The following HTR4 variants were observed in gnomAD, a reference collection of about 807,000 sequenced individuals.
HTR4 encodes 5-hydroxytryptamine receptor 4, also known as 5-hydroxytryptamine (serotonin) receptor 4, G protein-coupled.
HTR4 carries 16 observed loss-of-function variants against 36.8 expected under a neutral mutation model. That is an observed-to-expected ratio of 0.43 (90% confidence interval 0.29 to 0.66). The LOEUF (loss-of-function observed/expected upper bound fraction) is 0.66, where lower values mean the gene tolerates loss of function less well. Ranked by LOEUF, HTR4 falls within the 30% of genes least tolerant of loss-of-function variation. The pLI is 0.13. For missense variants in HTR4, 438 were observed against 490.9 expected, an observed-to-expected ratio of 0.89 and a Z score of 1.02; for synonymous variants, 189 against 185.1, an observed-to-expected ratio of 1.02 and a Z score of -0.17.
intron 6 of HTR4, chr5:148,484,187 G>C: frequency 6.8e-7 from 1 of 1,473,698 alleles, no homozygotes; most frequent in Non-Finnish European, 9.2e-7. Context: ...TTTCAGTTTA[G>C]TGTCATCTGC....
At position 148,606,725 on chromosome 5, in the gene HTR4, C is replaced by T. The variant is rs148491678; in HGVS notation, c.26+30264G>A. ...TTATTTTAAATTTTATTTAGATTTA[C>T]GTTTGTGATGCTGTGGCTTAAATCC... On this transcript the variant is annotated intron_variant, in intron 2 of 6. Coordinates refer to ENST00000377888, the MANE Select transcript of HTR4 (RefSeq NM_000870.7). Among the ~76,000 whole-genome samples the T allele has an allele frequency of 4.5e-3, 682 of 152,238 alleles. 6 individuals are homozygous for T. Among genetic ancestry groups the T allele is most frequent in the African/African-American group, 0.016 (661 of 41,538 alleles).
At chr5:148,504,075 G>C (rs1757066988) in intron 6 of HTR4, among the ~76,000 whole-genome samples, 1 of 152,120 alleles carries the variant, frequency 6.6e-6, no homozygotes. Context: ...GTCAACATTA[G>C]ACAGATCAAT....
chr5:148,559,492 A>G (rs1760095671), intron 2 of HTR4, among the ~76,000 whole-genome samples: 1 of 152,214 alleles, frequency 6.6e-6, no homozygotes, highest in Non-Finnish European at 1.5e-5. Context: ...GTTTTTCCTT[A>G]TAACAAATAA....
intron 4 of HTR4, among the ~76,000 whole-genome samples, chr5:148,547,748 A>C (rs551099975): frequency 7.0e-4 from 107 of 151,996 alleles, no homozygotes; most frequent in African/African-American, 2.4e-3. Flanking sequence ...ATAAGAATAA[A>C]TAAAACTAAA....
At chr5:148,463,277 A>C (rs1286980400) in intron 5 of HTR4, among the ~76,000 whole-genome samples, 1 of 147,194 alleles carries the variant, frequency 6.8e-6, no homozygotes, top group African/African-American at 2.5e-5. Context: ...GGTTCAAGCA[A>C]TTCTCTTGCC....
intron 5 of HTR4, among the ~76,000 whole-genome samples, chr5:148,522,338 G>C (rs1289944107): frequency 6.6e-6 from 1 of 152,164 alleles, no homozygotes; most frequent in African/African-American, 2.4e-5. Flanking sequence ...TGGGGCAAAT[G>C]ACATGCCTCA....
chr5:148,536,368 C>G (rs896636595), intron 4 of HTR4, among the ~76,000 whole-genome samples: 4 of 151,916 alleles, frequency 2.6e-5, no homozygotes, highest in Admixed American at 2.6e-4. Flanking sequence ...ATGACAGAAT[C>G]AAATCCACAC....
At chr5:148,644,556 G>T (rs1250655812) in intron 1 of HTR4, 1 of 150,570 alleles carries the variant, frequency 6.6e-6, no homozygotes, top group Non-Finnish European at 1.5e-5. Context: ...ACACTGATAG[G>T]GGAATAATAA....
At chr5:148,631,305 AC>A (rs1325457457) in intron 2 of HTR4, among the ~76,000 whole-genome samples, 2 of 152,112 alleles carry the variant, frequency 1.3e-5, no homozygotes, top group South Asian at 2.1e-4. Flanking sequence ...CATAAAAATA[AC>A]CCCTTTTAAA....
At chr5:148,650,413 G>A (rs1229691867) in intron 1 of HTR4, among the ~76,000 whole-genome samples, 1 of 152,066 alleles carries the variant, frequency 6.6e-6, no homozygotes, top group African/African-American at 2.4e-5. Flanking sequence ...TATACTTAAG[G>A]CTAGCCCTAT....
intron 1 of HTR4, chr5:148,645,788 A>G (rs1233328769): frequency 6.6e-6 from 1 of 152,208 alleles, no homozygotes. Context: ...TGCAGGGTAG[A>G]TATTTCCTAC....
intron 2 of HTR4, among the ~76,000 whole-genome samples, chr5:148,606,424 T>C (rs1752166100): frequency 6.6e-6 from 1 of 152,098 alleles, no homozygotes; most frequent in Non-Finnish European, 1.5e-5. Context: ...CAGTTGAAGG[T>C]GTTAATGCAA....
chr5:148,462,281 A>G (rs920361265), intron 5 of HTR4, among the ~76,000 whole-genome samples: 3 of 152,022 alleles, frequency 2.0e-5, no homozygotes, highest in African/African-American at 7.2e-5. Flanking sequence ...CTAAACAGAA[A>G]TGAAGAGAGA....
In HTR4 at chr5:148,490,464, A is replaced by G. The variant is rs548941743; in HGVS notation, c.1077-7171T>C. 1.4e-5 allele frequency: 8 copies of G among 563,340 alleles called. No individual in the cohort carries two copies. In the South Asian group the frequency reaches 5.3e-4, roughly 37 times the overall value. 34.9% of individuals were successfully genotyped at this position (563,340 alleles called of 1,614,324 possible). A position where few individuals can be genotyped will look rare whatever the true frequency, so the allele number is the denominator to read the frequency against. On this transcript the variant is annotated intron_variant, in intron 6 of 6. Transcript: ENST00000377888. ...TTCCAGAAATTCTCCAGCTTCAACC[A>G]AACAAAATGTTACACTGGCTGAAAT... is the stretch of plus-strand genomic sequence containing the variant.
chr5:148,600,347 A>AT (rs1761940973), intron 2 of HTR4, among the ~76,000 whole-genome samples: 1 of 126,734 alleles, frequency 7.9e-6, no homozygotes, highest in Non-Finnish European at 1.7e-5. Flanking sequence ...TTATATATAT[A>AT]TATTTTTTTT....
chr5:148,570,566 A>T (rs1760632972), intron 2 of HTR4, among the ~76,000 whole-genome samples: 1 of 152,138 alleles, frequency 6.6e-6, no homozygotes, highest in Admixed American at 6.6e-5. Flanking sequence ...CGTGAGAGCT[A>T]CATAACTTCG....
At chr5:148,493,445 T>C (rs1390504780) in intron 6 of HTR4, among the ~76,000 whole-genome samples, 1 of 152,226 alleles carries the variant, frequency 6.6e-6, no homozygotes, top group East Asian at 1.9e-4. Flanking sequence ...CTGTATAATT[T>C]TGATAATTCC....
At chr5:148,629,626 A>T (rs1490794468) in intron 2 of HTR4, 1 of 152,162 alleles carries the variant, frequency 6.6e-6, no homozygotes, top group African/African-American at 2.4e-5. Flanking sequence ...TTCAGTAATA[A>T]CCAAATTCTC....
intron 2 of HTR4, among the ~76,000 whole-genome samples, chr5:148,558,694 C>T (rs1295800678): frequency 6.6e-6 from 1 of 152,126 alleles, no homozygotes; most frequent in Non-Finnish European, 1.5e-5. Context: ...TTAGGTAGCA[C>T]ATTAGGTAAT....
Sources: allele counts gnomAD v4.1 joint callset (sites outside exome capture counted in the v4.1 genomes callset), GRCh38; gene constraint gnomAD v4.1.1; transcripts MANE v1.5; gene names NCBI Gene and HGNC (gene_info 2026-07-23, HGNC 2026-07-21).